NMNAT1: variants seen among roughly 807,000 people sequenced by gnomAD.
The protein encoded by NMNAT1 is nicotinamide/nicotinic acid mononucleotide adenylyltransferase 1.
A neutral mutation model predicts 16.7 loss-of-function variants in NMNAT1; 11 were observed. That is an observed-to-expected ratio of 0.66 (90% CI 0.41 to 1.09). The LOEUF (loss-of-function observed/expected upper bound fraction) is 1.09. Ranked by LOEUF, NMNAT1 falls within the 50% of genes least tolerant of loss-of-function variation. The pLI is 0.00. For synonymous variants in NMNAT1, 110 were observed against 119.8 expected (o/e 0.92, Z 0.53); for missense variants, 280 against 332.3 (o/e 0.84, Z 1.22).
intron 1 of NMNAT1, among the ~76,000 whole-genome samples, chr1:9,970,888 ATTG>A: frequency 6.6e-6 from 1 of 152,148 alleles, no homozygotes; most frequent in Admixed American, 6.6e-5. Context: ...AGATGATAAT[ATTG>A]TTGTATTAAT....
At chr1:9,948,706 A>G (rs992871100) in intron 1 of NMNAT1, among the ~76,000 whole-genome samples, 10 of 151,200 alleles carry the variant, frequency 6.6e-5, no homozygotes, top group African/African-American at 2.2e-4. Flanking sequence ...CTGGAGTGCA[A>G]TGGCCCCATC....
In NMNAT1 at chr1:9,972,025, G is replaced by A. The variant is rs1641700036; in HGVS notation, c.-49G>A. 3.2e-6 allele frequency: 3 copies of A among 926,096 alleles called. No homozygotes were observed. The highest frequency in any genetic ancestry group is 2.6e-5 in the South Asian group (2 of 76,052). The allele number at this position is 926,096 out of a possible 1,614,324, so 57.4% of individuals were successfully genotyped here. The stretch of plus-strand genomic sequence containing the variant: ...TTTCTTTTTCCTTTGTAGACAACAA[G>A]GGAGGTGTCACAGTTTTCCATTTAG... On this transcript the variant is annotated 5_prime_UTR_variant, in exon 2 of 5. Transcript: ENST00000377205.
chr1:9,991,263 G>C, the NMNAT1 span, among the ~76,000 whole-genome samples: 2 of 149,912 alleles, frequency 1.3e-5, no homozygotes, highest in African/African-American at 4.9e-5. Flanking sequence ...TCAGCTCACT[G>C]CAACTTCTGC....
chr1:9,952,070 G>A (rs1641127291), intron 1 of NMNAT1, among the ~76,000 whole-genome samples: 1 of 152,076 alleles, frequency 6.6e-6, no homozygotes, highest in Non-Finnish European at 1.5e-5. Context: ...AGGCCGAGGT[G>A]GGTGGATCAC....
downstream of NMNAT1, among the ~76,000 whole-genome samples, chr1:9,990,166 A>G (rs150217882): frequency 2.7e-3 from 413 of 152,324 alleles, 1 homozygote; most frequent in African/African-American, 9.6e-3. Context: ...AGGAAGCTCA[A>G]CTCAAAGTGA....
intron 1 of NMNAT1, among the ~76,000 whole-genome samples, chr1:9,944,429 A>C (rs1191947612): frequency 6.6e-6 from 1 of 152,216 alleles, no homozygotes; most frequent in African/African-American, 2.4e-5. Context: ...GAACTATTTA[A>C]TGATGTTCTT....
At chr1:9,973,416 C>T (rs61782861) in intron 2 of NMNAT1, among the ~76,000 whole-genome samples, 3,274 of 152,172 alleles carry the variant, frequency 0.022, 110 homozygotes, top group African/African-American at 0.074. Flanking sequence ...TTTTCATAAA[C>T]AATGCATGAG....
chr1:9,971,942 C>G, intron 1 of NMNAT1, 76 bp from the exon 2 acceptor site: 3 of 654,920 alleles, frequency 4.6e-6, no homozygotes, highest in Non-Finnish European at 8.4e-6. Context: ...TACACTCTAG[C>G]CAGGGTGGCA....
At chr1:9,947,065 T>G (rs1640995957) in intron 1 of NMNAT1, among the ~76,000 whole-genome samples, 1 of 152,190 alleles carries the variant, frequency 6.6e-6, no homozygotes, top group South Asian at 2.1e-4. Context: ...CCCCTGAACT[T>G]GGCTTTGTTC....
At chr1:9,988,122 C>T (rs1464692952), downstream of NMNAT1, among the ~76,000 whole-genome samples, 2 of 151,854 alleles carry the variant, frequency 1.3e-5, no homozygotes, top group African/African-American at 2.4e-5. Flanking sequence ...CTCAGCTTCC[C>T]GAGTAGCTGG....
intron 1 of NMNAT1, among the ~76,000 whole-genome samples, chr1:9,950,334 G>A (rs1045434474): frequency 9.9e-5 from 15 of 152,128 alleles, no homozygotes; most frequent in African/African-American, 3.4e-4. Context: ...CAAGTGATCC[G>A]CCCGCCTTGG....
At chr1:9,991,737 T>C in the NMNAT1 span, among the ~76,000 whole-genome samples, 1 of 152,080 alleles carries the variant, frequency 6.6e-6, no homozygotes, top group Non-Finnish European at 1.5e-5. Context: ...AAGATAATTA[T>C]GGATTATAAT....
intron 1 of NMNAT1, among the ~76,000 whole-genome samples, chr1:9,962,614 T>A (rs1641443849): frequency 6.6e-6 from 1 of 151,354 alleles, no homozygotes; most frequent in Non-Finnish European, 1.5e-5. Flanking sequence ...ATCTCCATTT[T>A]ACAGATAAAG....
chr1:9,976,624 CTT>C (rs765731379), intron 3 of NMNAT1, among the ~76,000 whole-genome samples: 1 of 146,372 alleles, frequency 6.8e-6, no homozygotes, highest in Non-Finnish European at 1.5e-5. Flanking sequence ...AATTATTTCT[CTT>C]TTTTTTTTTT....
chr1:9,982,486 A>C lies in NMNAT1; in HGVS notation c.625A>C (p.Asn209His). Residue 209 changes from asparagine to histidine, a missense_variant, in exon 5 of 5, where the codon AAC becomes CAC. Asn to His is a moderately conservative substitution (Grantham distance 68). Coordinates refer to ENST00000377205, the MANE Select transcript of NMNAT1 (RefSeq NM_022787.4). ...GGATGTGCTGTGGAAACACCGGAGC[A>C]ACATTCACGTGGTGAATGAATGGAT... ...ESDVLWKHRS[N>H]IHVVNEWIAN... 6.2e-7 allele frequency: 1 copy of C among 1,614,182 alleles called. No individual in the cohort carries two copies. Among genetic ancestry groups the C allele is most frequent in the Non-Finnish European group, 8.5e-7 (1 of 1,180,034 alleles).
chr1:9,977,731 A>G (rs1641846719), intron 3 of NMNAT1, among the ~76,000 whole-genome samples: 1 of 151,738 alleles, frequency 6.6e-6, no homozygotes, highest in South Asian at 2.1e-4. Flanking sequence ...CTGGGCCCAT[A>G]CCTGTAATCC....
Position 9,984,267 on chromosome 1 carries a change from G to C in NMNAT1, c.*1566G>C, listed in dbSNP as rs1642009063. 6.6e-6 allele frequency: 1 copy of C among 152,166 alleles called. No individual in the cohort carries two copies. Among genetic ancestry groups the C allele is most frequent in the Non-Finnish European group, 1.5e-5 (1 of 68,084 alleles). The allele number at this position is 152,166 out of a possible 1,614,324, so 9.4% of individuals were successfully genotyped here. A position where few individuals can be genotyped will look rare whatever the true frequency, so the allele number is the denominator to read the frequency against. ...TCGCCATGTTAGACAGGCTGGTCTTGAACTCCTGACCTCAGGTGATCTGCC... is the reference window on the plus strand; with the variant it reads ...TCGCCATGTTAGACAGGCTGGTCTTCAACTCCTGACCTCAGGTGATCTGCC... On this transcript the variant is annotated 3_prime_UTR_variant, in exon 5 of 5. Coordinates refer to ENST00000377205, the MANE Select transcript of NMNAT1 (RefSeq NM_022787.4).
chr1:9,950,475 A>T (rs1000077845), intron 1 of NMNAT1: 1 of 152,234 alleles, frequency 6.6e-6, no homozygotes, highest in African/African-American at 2.4e-5. Flanking sequence ...AGGATAGGAG[A>T]TGGTCGTGTG....
chr1:9,957,634 T>G (rs1641298144), intron 1 of NMNAT1, among the ~76,000 whole-genome samples: 1 of 152,194 alleles, frequency 6.6e-6, no homozygotes, highest in Admixed American at 6.6e-5. Context: ...GCGATTTTGG[T>G]GAAAAACTAT....
Sources: allele counts gnomAD v4.1 joint callset (sites outside exome capture counted in the v4.1 genomes callset), GRCh38; gene constraint gnomAD v4.1.1; transcripts MANE v1.5; gene names NCBI Gene and HGNC (gene_info 2026-07-23, HGNC 2026-07-21).